Variants in ELMO1 observed in about 807,000 individuals in gnomAD.
The protein encoded by ELMO1 is engulfment and cell motility protein 1.
Under a neutral mutation model 98.9 loss-of-function variants are expected in ELMO1, and 26 were observed. The observed-to-expected ratio is 0.26, with a 90% CI of 0.19 to 0.36. The LOEUF (loss-of-function observed/expected upper bound fraction) is 0.36, where lower values mean the gene tolerates loss of function less well. Ranked by LOEUF, ELMO1 falls within the 10% of genes least tolerant of loss-of-function variation. The probability of loss-of-function intolerance (pLI) is 1.00; values close to 1 mark genes in which losing one functional copy is unlikely to be tolerated. For synonymous variants in ELMO1, 346 were observed against 346.0 expected (o/e 1.00, Z 0.00); for missense variants, 627 against 935.2 (o/e 0.67, Z 4.30).
At chr7:37,379,949 G>A (rs996684862) in intron 1 of ELMO1, among the ~76,000 whole-genome samples, 5 of 152,104 alleles carry the variant, frequency 3.3e-5, no homozygotes, top group African/African-American at 9.7e-5. Context: ...TTTCCACCTC[G>A]TTTTAATTCT....
chr7:37,063,743 C>T (rs1796792518), intron 15 of ELMO1, among the ~76,000 whole-genome samples: 1 of 152,120 alleles, frequency 6.6e-6, no homozygotes, highest in African/African-American at 2.4e-5. Context: ...CACCCTTGAG[C>T]TGAGAGTATT....
chr7:37,181,148 C>A (rs143350794), intron 13 of ELMO1, among the ~76,000 whole-genome samples: 40 of 152,244 alleles, frequency 2.6e-4, no homozygotes, highest in Non-Finnish European at 5.4e-4. Context: ...CTCCATAATT[C>A]CAGGGGTCAC....
At chr7:36,901,319 T>C (rs1225922395) in intron 16 of ELMO1, among the ~76,000 whole-genome samples, 2 of 152,104 alleles carry the variant, frequency 1.3e-5, no homozygotes, top group African/African-American at 4.8e-5. Context: ...GGAGTAGCAG[T>C]TGAGGTTTCT....
rs947064066 is a variant in ELMO1 at position 37,124,285 on chromosome 7, C to A, written c.1191+8845G>T. On this transcript the variant is annotated intron_variant, in intron 14 of 21. Transcript: ENST00000310758. The stretch of plus-strand genomic sequence containing the variant: ...ACATAGTGTTGGAAGTTCTGCCTAG[C>A]GCAATCAGGCAGGAGAAAGAAATAA... Among the ~76,000 whole-genome samples, 36 of 152,134 alleles carry A rather than the reference C, an allele frequency of 2.4e-4. No individual in the cohort carries two copies. In the South Asian group the frequency reaches 4.2e-3, roughly 18 times the overall value.
At chr7:37,010,454 C>G (rs1259932851) in intron 16 of ELMO1, among the ~76,000 whole-genome samples, 1 of 152,146 alleles carries the variant, frequency 6.6e-6, no homozygotes, top group African/African-American at 2.4e-5. Flanking sequence ...TCCAGGTCAC[C>G]CAATGTAATC....
intron 7 of ELMO1, among the ~76,000 whole-genome samples, chr7:37,234,404 C>T (rs1183284954): frequency 2.0e-5 from 3 of 152,158 alleles, no homozygotes; most frequent in Non-Finnish European, 4.4e-5. Context: ...TACTGTTCTA[C>T]TCAGCCCAGC....
intron 16 of ELMO1, among the ~76,000 whole-genome samples, chr7:36,973,715 A>T (rs372716211): frequency 6.6e-6 from 1 of 152,216 alleles, no homozygotes; most frequent in Non-Finnish European, 1.5e-5. Context: ...GGCCGGAGAC[A>T]GCTCCCTCGG....
At chr7:37,166,232 T>C (rs929362621) in intron 13 of ELMO1, among the ~76,000 whole-genome samples, 2 of 152,156 alleles carry the variant, frequency 1.3e-5, no homozygotes, top group Non-Finnish European at 2.9e-5. Flanking sequence ...TCTCTCTTTT[T>C]TTCTTTATTA....
intron 16 of ELMO1, among the ~76,000 whole-genome samples, chr7:36,939,990 T>C (rs1030349301): frequency 1.1e-4 from 17 of 152,262 alleles, no homozygotes; most frequent in African/African-American, 4.1e-4. Context: ...GTTGGTTTTA[T>C]TGCCTGACTC....
intron 16 of ELMO1, among the ~76,000 whole-genome samples, chr7:36,903,930 C>T (rs760739188): frequency 3.3e-5 from 5 of 152,232 alleles, no homozygotes; most frequent in Non-Finnish European, 5.9e-5. Flanking sequence ...GGGGACTGTG[C>T]CTGCTCTCAG....
chr7:36,965,009 T>C (rs1274463422), intron 16 of ELMO1, among the ~76,000 whole-genome samples: 2 of 152,176 alleles, frequency 1.3e-5, no homozygotes, highest in African/African-American at 2.4e-5. Context: ...GGATGGGCTC[T>C]GGCCATCTTC....
chr7:37,107,554 A>G (rs1785019059), intron 14 of ELMO1, among the ~76,000 whole-genome samples: 1 of 152,176 alleles, frequency 6.6e-6, no homozygotes, highest in South Asian at 2.1e-4. Flanking sequence ...CAGGGTTTTG[A>G]CTCGCTCAAC....
In ELMO1 at chr7:36,853,659, C is replaced by G. The variant is rs1048183760; in HGVS notation, c.*1892G>C. 1.3e-5 allele frequency among the ~76,000 whole-genome samples: 2 copies of G among 152,172 alleles called. No homozygotes were observed. Among genetic ancestry groups the G allele is most frequent in the African/African-American group, 4.8e-5 (2 of 41,430 alleles). Reference sequence around the variant, plus strand: ...CTGCAATGCATGCAGTGCTCTGGACCATATCATCTCAACCCAGGTCAATCT... The same window carrying G: ...CTGCAATGCATGCAGTGCTCTGGACGATATCATCTCAACCCAGGTCAATCT... On this transcript the variant is annotated 3_prime_UTR_variant, in exon 22 of 22. Coordinates refer to ENST00000310758, the MANE Select transcript of ELMO1 (RefSeq NM_014800.11).
chr7:37,425,767 G>A (rs1052427933), intron 1 of ELMO1, among the ~76,000 whole-genome samples: 1 of 152,156 alleles, frequency 6.6e-6, no homozygotes. Context: ...ACCTGTGGCC[G>A]AGTTTGAAAA....
chr7:37,331,357 GAA>G (rs1800109476), intron 2 of ELMO1, among the ~76,000 whole-genome samples: 2 of 77,200 alleles, frequency 2.6e-5, no homozygotes, highest in African/African-American at 1.0e-4. Context: ...TTTTTTTTTG[GAA>G]TTTTAGTAGA....
intron 1 of ELMO1, among the ~76,000 whole-genome samples, chr7:37,367,128 T>C (rs1260603220): frequency 6.6e-6 from 1 of 152,240 alleles, no homozygotes; most frequent in Admixed American, 6.5e-5. Context: ...CACACCACAC[T>C]GTCATTCATC....
At chr7:37,007,522 C>CT (rs947774006) in intron 16 of ELMO1, among the ~76,000 whole-genome samples, 1 of 152,198 alleles carries the variant, frequency 6.6e-6, no homozygotes, top group Admixed American at 6.5e-5. Flanking sequence ...TACAGACCAC[C>CT]TTTCATTCCC....
intron 16 of ELMO1, among the ~76,000 whole-genome samples, chr7:36,966,730 C>T (rs537303877): frequency 6.6e-6 from 1 of 152,292 alleles, no homozygotes; most frequent in East Asian, 1.9e-4. Context: ...ATCACCAGAG[C>T]CTACAGAGAA....
intron 1 of ELMO1, among the ~76,000 whole-genome samples, chr7:37,382,593 T>C (rs1029276692): frequency 6.6e-6 from 1 of 152,210 alleles, no homozygotes; most frequent in South Asian, 2.1e-4. Context: ...CCTTATCACC[T>C]GAGATGAGAC....
Sources: gnomAD v4.1 joint callset for allele counts (sites outside exome capture counted in the v4.1 genomes callset) on GRCh38, gnomAD v4.1.1 for gene constraint, MANE v1.5 for transcripts, NCBI Gene and HGNC (gene_info 2026-07-23, HGNC 2026-07-21) for gene names.